Variants in ROR2 observed in about 807,000 individuals in gnomAD.
ROR2 encodes tyrosine-protein kinase transmembrane receptor ROR2.
In ROR2, 33 loss-of-function variants were observed where a neutral mutation model predicts 74.9. The observed-to-expected ratio is 0.44, with a 90% CI of 0.33 to 0.59. The LOEUF is 0.59. ROR2 is among the 20% of genes least tolerant of loss of function. The pLI, the probability that ROR2 is intolerant of heterozygous loss-of-function variation, is 0.02. For missense variants in ROR2, 1,216 were observed against 1,313.8 expected, an observed-to-expected ratio of 0.93 and a Z score of 1.15; for synonymous variants, 586 against 558.7, an observed-to-expected ratio of 1.05 and a Z score of -0.69.
chr9:91,842,483 C>T (rs901374591), intron 1 of ROR2, among the ~76,000 whole-genome samples: 1 of 152,212 alleles, frequency 6.6e-6, no homozygotes, highest in Non-Finnish European at 1.5e-5. Context: ...CCTTGGGGGC[C>T]GTGTCCTCAC....
chr9:91,766,600 A>G (rs1188716450), intron 2 of ROR2, among the ~76,000 whole-genome samples: 1 of 152,206 alleles, frequency 6.6e-6, no homozygotes, highest in Non-Finnish European at 1.5e-5. Flanking sequence ...TTCTTTCTCC[A>G]TTGGTGTTTA....
chr9:91,845,003 C>A (rs533038502), intron 1 of ROR2, among the ~76,000 whole-genome samples: 1 of 152,188 alleles, frequency 6.6e-6, no homozygotes, highest in Admixed American at 6.5e-5. Context: ...AAAATGCATT[C>A]ATGACACAGT....
At chr9:91,789,847 G>A (rs562757460) in intron 1 of ROR2, among the ~76,000 whole-genome samples, 7 of 152,266 alleles carry the variant, frequency 4.6e-5, no homozygotes, top group African/African-American at 1.7e-4. Context: ...TAAGTTAAAT[G>A]TAAGTGGGTA....
Position 91,930,834 on chromosome 9 carries a change from C to G in ROR2, c.97+19033G>C, listed in dbSNP as rs569035270. On this transcript the variant is annotated intron_variant, in intron 1 of 8. Transcript: ENST00000375708. ...GGATGAAAATGAAGCCAAAATAAAG[C>G]AAGACTTAATTTGCAGACTGAAGAC... 1.1e-3 allele frequency among the ~76,000 whole-genome samples: 174 copies of G among 152,252 alleles called. 1 individual carries two copies. Among genetic ancestry groups the G allele is most frequent in the Admixed American group, 3.1e-3 (47 of 15,286 alleles).
At chr9:91,878,701 C>T (rs1447530758) in intron 1 of ROR2, among the ~76,000 whole-genome samples, 2 of 152,172 alleles carry the variant, frequency 1.3e-5, no homozygotes, top group Non-Finnish European at 2.9e-5. Flanking sequence ...AGCCCTTACT[C>T]CTTACAGACC....
intron 4 of ROR2, among the ~76,000 whole-genome samples, chr9:91,753,107 T>C (rs925144214): frequency 2.0e-5 from 3 of 152,234 alleles, no homozygotes; most frequent in African/African-American, 4.8e-5. Flanking sequence ...AAATTCATTG[T>C]AATTCCAATC....
intron 1 of ROR2, among the ~76,000 whole-genome samples, chr9:91,805,275 G>C (rs137993818): frequency 6.6e-6 from 1 of 152,214 alleles, no homozygotes; most frequent in African/African-American, 2.4e-5. Flanking sequence ...TCCAAGACAC[G>C]GAGTTAGGGG....
intron 1 of ROR2, among the ~76,000 whole-genome samples, chr9:91,842,682 T>G (rs754977129): frequency 8.5e-5 from 13 of 152,232 alleles, no homozygotes; most frequent in Non-Finnish European, 1.6e-4. Context: ...TCCAGTATCT[T>G]AATTCCACCT....
chr9:91,739,513 TAAA>T (rs71362359), intron 4 of ROR2, among the ~76,000 whole-genome samples: 29 of 105,554 alleles, frequency 2.7e-4, no homozygotes, highest in Non-Finnish European at 2.8e-4. Flanking sequence ...TCTTTAAATT[TAAA>T]AAAAAAAAAA....
At chr9:91,759,769 T>C (rs1825857916) in intron 2 of ROR2, among the ~76,000 whole-genome samples, 1 of 152,140 alleles carries the variant, frequency 6.6e-6, no homozygotes, top group South Asian at 2.1e-4. Context: ...CAGTGGCATA[T>C]AAAGGCCTGC....
Position 91,756,824 on chromosome 9 carries a change from C to T in ROR2, c.463+448G>A, listed in dbSNP as rs371411103. Among the ~76,000 whole-genome samples, 97 of 146,132 alleles carry T rather than the reference C, an allele frequency of 6.6e-4. 1 individual carries two copies. The highest frequency in any genetic ancestry group is 2.3e-3 in the African/African-American group (93 of 39,888). Reference sequence around the variant, plus strand: ...GGAATGCAATGGCGTGATCTCGGCTCACTGCAACCTCCACCTCCCAGGTTC... The same window carrying T: ...GGAATGCAATGGCGTGATCTCGGCTTACTGCAACCTCCACCTCCCAGGTTC... On this transcript the variant is annotated intron_variant, in intron 3 of 8. Transcript: ENST00000375708.
chr9:91,735,920 T>C (rs1825008870), intron 5 of ROR2, among the ~76,000 whole-genome samples: 1 of 151,528 alleles, frequency 6.6e-6, no homozygotes, highest in African/African-American at 2.4e-5. Flanking sequence ...CCGGCCACTT[T>C]TTTATTTAAT....
chr9:91,869,266 C>T (rs1829725546), intron 1 of ROR2, among the ~76,000 whole-genome samples: 1 of 152,082 alleles, frequency 6.6e-6, no homozygotes, highest in Non-Finnish European at 1.5e-5. Flanking sequence ...CAATAAATTC[C>T]AGGCTGGTCT....
chr9:91,762,439 T>C (rs534575356), intron 2 of ROR2, among the ~76,000 whole-genome samples: 5 of 152,366 alleles, frequency 3.3e-5, no homozygotes, highest in African/African-American at 9.6e-5. Flanking sequence ...CCATATCTTT[T>C]TGCCTAATTG....
intron 1 of ROR2, among the ~76,000 whole-genome samples, chr9:91,804,001 C>A (rs969713732): frequency 2.0e-5 from 3 of 152,156 alleles, no homozygotes; most frequent in Non-Finnish European, 4.4e-5. Context: ...TTTGAGATTT[C>A]GTTATTAATT....
At chr9:91,872,425 T>C (rs1829823682) in intron 1 of ROR2, among the ~76,000 whole-genome samples, 2 of 152,228 alleles carry the variant, frequency 1.3e-5, no homozygotes, top group African/African-American at 4.8e-5. Flanking sequence ...ATCCAATGAC[T>C]ATTCCTCACT....
chr9:91,923,319 A>G (rs1831318960), intron 1 of ROR2, among the ~76,000 whole-genome samples: 1 of 152,148 alleles, frequency 6.6e-6, no homozygotes, highest in South Asian at 2.1e-4. Flanking sequence ...GTGGCAACTG[A>G]GCACTTAAGT....
chr9:91,945,451 C>T (rs1286547892), intron 1 of ROR2, among the ~76,000 whole-genome samples: 4 of 152,152 alleles, frequency 2.6e-5, no homozygotes, highest in South Asian at 2.1e-4. Context: ...TTGAAGCAGC[C>T]GCCACATTCT....
chr9:91,840,845 C>T (rs1828760990), intron 1 of ROR2, among the ~76,000 whole-genome samples: 1 of 152,256 alleles, frequency 6.6e-6, no homozygotes, highest in Non-Finnish European at 1.5e-5. Flanking sequence ...GAGATCCACA[C>T]CCCATGCTCC....
Sources: gnomAD v4.1 joint callset for allele counts (sites outside exome capture counted in the v4.1 genomes callset) on GRCh38, gnomAD v4.1.1 for gene constraint, MANE v1.5 for transcripts, NCBI Gene and HGNC (gene_info 2026-07-23, HGNC 2026-07-21) for gene names.